CSMD3: variants seen among roughly 807,000 people sequenced by gnomAD.
CSMD3 encodes CUB and sushi domain-containing protein 3.
CSMD3 carries 177 observed loss-of-function variants against 435.2 expected under a neutral mutation model. That is an observed-to-expected ratio of 0.41 (90% CI 0.36 to 0.46). The LOEUF is 0.46. Ranked by LOEUF, CSMD3 falls within the 20% of genes least tolerant of loss-of-function variation. The pLI is 0.34. For missense variants in CSMD3, 4,265 were observed against 4,504.6 expected (o/e 0.95, Z 1.52); for synonymous variants, 1,656 against 1,520.5 (o/e 1.09, Z -2.07).
Position 112,380,431 on chromosome 8 carries a change from A to C in CSMD3, c.6057T>G (p.Asn2019Lys). 1 of 1,588,546 alleles carries C rather than the reference A, an allele frequency of 6.3e-7. No individual in the cohort carries two copies. The highest frequency in any genetic ancestry group is 2.2e-5 in the East Asian group (1 of 44,560). Reference sequence around the variant, plus strand: ...TTAGATACAGATTATTAGACGTACTATTCAAAAGATGGGGTATTGTTGTTC... The same window carrying C: ...TTAGATACAGATTATTAGACGTACTCTTCAAAAGATGGGGTATTGTTGTTC... Reference protein sequence around the residue: ...YSGTTIPHLLNSTSNNLYLNF... With the variant: ...YSGTTIPHLLKSTSNNLYLNF... Residue 2019 changes from asparagine (N) to lysine (K), a missense_variant, in exon 38 of 71, where the codon AAT becomes AAG. Around this residue, in one of 3 missense-constraint regions of CSMD3, gnomAD observed 3,255 missense variants for 3,380.2 expected, o/e 0.96. Coordinates refer to ENST00000297405, the MANE Select transcript of CSMD3 (RefSeq NM_198123.2).
chr8:112,630,695 G>A (rs1448226854), intron 22 of CSMD3, among the ~76,000 whole-genome samples: 1 of 152,050 alleles, frequency 6.6e-6, no homozygotes, highest in Admixed American at 6.6e-5. Context: ...GGAGGAAGGA[G>A]TGAAAGATAA....
chr8:112,237,370 C>A (rs779307099), intron 66 of CSMD3, 22 bp from the exon 67 acceptor site: 1 of 1,538,680 alleles, frequency 6.5e-7, no homozygotes. Context: ...TTAAATATAC[C>A]ACACATTAAT....
At chr8:112,432,373 A>G (rs1813813503) in intron 32 of CSMD3, among the ~76,000 whole-genome samples, 1 of 152,052 alleles carries the variant, frequency 6.6e-6, no homozygotes, top group Non-Finnish European at 1.5e-5. Flanking sequence ...GTGCCATCAT[A>G]TCTCACTGCA....
chr8:112,527,597 T>A (rs750760344), intron 27 of CSMD3, among the ~76,000 whole-genome samples: 2 of 151,812 alleles, frequency 1.3e-5, no homozygotes, highest in Admixed American at 6.6e-5. Flanking sequence ...TCAAAAACAA[T>A]GGTAATATAC....
At chr8:112,715,506 C>G (rs2076704759) in intron 13 of CSMD3, among the ~76,000 whole-genome samples, 1 of 152,150 alleles carries the variant, frequency 6.6e-6, no homozygotes, top group Admixed American at 6.6e-5. Flanking sequence ...CAAAGAGGAG[C>G]TGGTACCATT....
At chr8:113,312,386 T>C (rs1440557373) in intron 2 of CSMD3, 1 of 152,174 alleles carries the variant, frequency 6.6e-6, no homozygotes, top group Admixed American at 6.5e-5. Context: ...TTAGAGTCAC[T>C]GAGCTTTCAT....
chr8:112,918,114 A>T (rs2095339743), intron 10 of CSMD3, among the ~76,000 whole-genome samples: 4 of 152,012 alleles, frequency 2.6e-5, no homozygotes, highest in African/African-American at 9.6e-5. Context: ...ATCAATACAA[A>T]ATAATAAAAA....
At chr8:112,405,183 CAAAA>C (rs1274747452) in intron 35 of CSMD3, among the ~76,000 whole-genome samples, 9 of 6,766 alleles carry the variant, frequency 1.3e-3, no homozygotes, top group Non-Finnish European at 4.7e-4. Flanking sequence ...GACTCTCTCT[CAAAA>C]AAAAAAAAAA....
intron 32 of CSMD3, among the ~76,000 whole-genome samples, chr8:112,450,638 G>A (rs182432386): frequency 3.5e-4 from 53 of 152,286 alleles, no homozygotes; most frequent in Non-Finnish European, 3.4e-4. Flanking sequence ...CCAGGTATGA[G>A]CAACTCATGA....
intron 41 of CSMD3, among the ~76,000 whole-genome samples, chr8:112,343,126 T>A (rs1408152092): frequency 2.7e-5 from 4 of 148,118 alleles, no homozygotes; most frequent in Non-Finnish European, 6.0e-5. Context: ...AAATCTCTTA[T>A]GTTTTCATTT....
At chr8:112,302,113 T>C in intron 52 of CSMD3, 147 bp from the exon 53 acceptor site, 1 of 656,804 alleles carries the variant, frequency 1.5e-6, no homozygotes, top group South Asian at 1.8e-5. Flanking sequence ...TGAATGAGTG[T>C]GAAAGTAGGG....
chr8:113,092,839 C>T (rs140014531), intron 5 of CSMD3, among the ~76,000 whole-genome samples: 9 of 152,064 alleles, frequency 5.9e-5, no homozygotes, highest in South Asian at 4.1e-4. Flanking sequence ...AACAAACAAA[C>T]GAACAAAAAC....
chr8:113,145,067 T>C (rs533305554), intron 4 of CSMD3, among the ~76,000 whole-genome samples: 1 of 151,376 alleles, frequency 6.6e-6, no homozygotes, highest in African/African-American at 2.4e-5. Flanking sequence ...GCAGAGGGAA[T>C]AGAAGTGTCT....
intron 35 of CSMD3, among the ~76,000 whole-genome samples, chr8:112,403,166 T>C (rs1464346374): frequency 6.6e-6 from 1 of 152,168 alleles, no homozygotes; most frequent in Non-Finnish European, 1.5e-5. Flanking sequence ...AGAAATGTAA[T>C]TGGGAAATAG....
At chr8:113,193,178 C>T (rs2092609322) in intron 3 of CSMD3, among the ~76,000 whole-genome samples, 1 of 151,086 alleles carries the variant, frequency 6.6e-6, no homozygotes, top group South Asian at 2.1e-4. Context: ...CTTATTCCAT[C>T]TCGTATTCGT....
intron 59 of CSMD3, among the ~76,000 whole-genome samples, chr8:112,270,465 G>A (rs1449267504): frequency 2.7e-5 from 4 of 149,702 alleles, no homozygotes; most frequent in African/African-American, 9.8e-5. Flanking sequence ...ATTCTCAAAG[G>A]TAAAATTCTC....
At chr8:113,061,882 A>C (rs1261475240) in intron 5 of CSMD3, among the ~76,000 whole-genome samples, 3 of 151,824 alleles carry the variant, frequency 2.0e-5, no homozygotes, top group Non-Finnish European at 4.4e-5. Flanking sequence ...AGACTCAAGA[A>C]CTTTTCTTTA....
chr8:112,676,856 C>A (rs1289343747), intron 16 of CSMD3, among the ~76,000 whole-genome samples: 6 of 152,012 alleles, frequency 3.9e-5, no homozygotes, highest in Non-Finnish European at 8.8e-5. Flanking sequence ...GCCTGGTATC[C>A]CTTTCAAGTT....
intron 13 of CSMD3, among the ~76,000 whole-genome samples, chr8:112,788,036 G>A (rs1312924290): frequency 6.6e-6 from 1 of 152,002 alleles, no homozygotes; most frequent in Admixed American, 6.6e-5. Flanking sequence ...TACACTGTAG[G>A]CCTGTATCAA....
Sources: gnomAD v4.1 joint callset for allele counts (sites outside exome capture counted in the v4.1 genomes callset) on GRCh38, gnomAD v4.1.1 for gene constraint, gnomAD v4.1.1 regional missense constraint, MANE v1.5 for transcripts, NCBI Gene and HGNC (gene_info 2026-07-23, HGNC 2026-07-21) for gene names.